Variants in DTL observed in about 807,000 individuals in gnomAD.
The protein encoded by DTL is denticleless protein homolog.
Under a neutral mutation model 87.0 loss-of-function variants are expected in DTL, and 46 were observed. That is an observed-to-expected ratio of 0.53 (90% CI 0.42 to 0.68). The LOEUF is 0.68. Ranked by LOEUF, DTL falls within the 30% of genes least tolerant of loss-of-function variation. The probability of loss-of-function intolerance (pLI) is 0.00; values close to 1 mark genes in which losing one functional copy is unlikely to be tolerated. For missense variants in DTL, 737 were observed against 869.4 expected, an observed-to-expected ratio of 0.85 and a Z score of 1.91; for synonymous variants, 308 against 311.2, an observed-to-expected ratio of 0.99 and a Z score of 0.11.
Position 212,043,946 on chromosome 1 carries a change from G to A in DTL, c.179-714G>A, listed in dbSNP as rs575800550. On this transcript the variant is annotated intron_variant, in intron 2 of 14. Coordinates refer to ENST00000366991, the MANE Select transcript of DTL (RefSeq NM_016448.4). ...AATAGACTCCTTATAAAAATTAGCC[G>A]GGCATGGTGGTGCATGCCTGTAGTC... 1.7e-3 allele frequency among the ~76,000 whole-genome samples: 259 copies of A among 152,058 alleles called. 1 individual carries two copies. The highest frequency in any genetic ancestry group is 3.1e-3 in the Non-Finnish European group (209 of 68,000).
chr1:212,063,570 C>T (rs1038165871), intron 6 of DTL, among the ~76,000 whole-genome samples: 1 of 151,984 alleles, frequency 6.6e-6, no homozygotes, highest in Non-Finnish European at 1.5e-5. Flanking sequence ...AAATTACAGG[C>T]GTGAGTCACC....
chr1:212,053,895 A>G (rs1471407302), intron 5 of DTL, among the ~76,000 whole-genome samples: 2 of 152,182 alleles, frequency 1.3e-5, no homozygotes, highest in Admixed American at 6.5e-5. Context: ...ATTGGCTTCC[A>G]TTGATTTATT....
chr1:212,084,759 C>T (rs1655080445), intron 13 of DTL, among the ~76,000 whole-genome samples: 1 of 152,178 alleles, frequency 6.6e-6, no homozygotes, highest in Admixed American at 6.5e-5. Context: ...CTGTGTCCCA[C>T]CACTATCAAA....
intron 13 of DTL, among the ~76,000 whole-genome samples, chr1:212,084,858 T>G (rs768582603): frequency 1.2e-4 from 19 of 152,150 alleles, no homozygotes; most frequent in Non-Finnish European, 2.1e-4. Flanking sequence ...CAGTTGTCCC[T>G]CAGGATCCAT....
At chr1:212,045,260 A>G (rs558878508) in intron 3 of DTL, among the ~76,000 whole-genome samples, 1 of 152,360 alleles carries the variant, frequency 6.6e-6, no homozygotes, top group Non-Finnish European at 1.5e-5. Flanking sequence ...TCCCAATGAT[A>G]TTAACTTCTG....
intron 14 of DTL, 92 bp downstream of exon 14, chr1:212,101,176 A>G: frequency 3.0e-6 from 2 of 674,600 alleles, no homozygotes; most frequent in Non-Finnish European, 4.4e-6. Flanking sequence ...TTTTTTTTTT[A>G]AAGAAAGAAA....
rs184767285 is a variant in DTL at position 212,089,333 on chromosome 1, A to G, written c.1261+8583A>G. On this transcript the variant is annotated intron_variant, in intron 13 of 14. Transcript: ENST00000366991. ...CTATGCACCTGTTAAAAATAATGCA[A>G]TGCATCTATGTGTACTTACATGAAG... is the stretch of plus-strand genomic sequence containing the variant. Among the ~76,000 whole-genome samples the G allele has an allele frequency of 1.3e-3, 194 of 152,322 alleles. 1 individual carries two copies. Among genetic ancestry groups the G allele is most frequent in the African/African-American group, 4.5e-3 (188 of 41,568 alleles).
chr1:212,041,515 TG>T (rs1412153332), intron 1 of DTL, among the ~76,000 whole-genome samples: 7 of 88,676 alleles, frequency 7.9e-5, no homozygotes, highest in East Asian at 3.9e-4. Flanking sequence ...GGCGGGGGGG[TG>T]GGGGGTGGGG....
intron 5 of DTL, among the ~76,000 whole-genome samples, chr1:212,054,470 T>G (rs1200504496): frequency 1.3e-5 from 2 of 149,124 alleles, no homozygotes; most frequent in South Asian, 2.1e-4. Context: ...TTGCTAAAGA[T>G]GTTGACTCTC....
rs147772415 is a variant in DTL, at chr1:212,096,504, A to T, written c.1262-3748A>T. On this transcript the variant is annotated intron_variant, in intron 13 of 14. Transcript: ENST00000366991. ...CTCTTTCAGACTTTTTGATGTAGGC[A>T]CTTAATGCTGTGAACTTTCCTCTTA... Among the ~76,000 whole-genome samples the T allele has an allele frequency of 1.1e-3, 164 of 152,298 alleles. 2 individuals are homozygous for T. In the East Asian group the frequency reaches 0.029, roughly 27 times the overall value.
intron 14 of DTL, among the ~76,000 whole-genome samples, chr1:212,102,170 G>A (rs11582269): frequency 6.6e-6 from 1 of 152,156 alleles, no homozygotes; most frequent in African/African-American, 2.4e-5. Context: ...AGACAACTTA[G>A]TACACAAACT....
rs1655669774 is a variant in DTL at position 212,103,017 on chromosome 1, A to T, written c.*77A>T. The T allele has an allele frequency of 1.7e-5, 14 of 817,902 alleles. No individual in the cohort carries two copies. The highest frequency in any genetic ancestry group is 2.4e-5 in the Non-Finnish European group (12 of 507,460). The allele number at this position is 817,902 out of a possible 1,614,324, so 50.7% of individuals were successfully genotyped here. A position where few individuals can be genotyped will look rare whatever the true frequency, so the allele number is the denominator to read the frequency against. On this transcript the variant is annotated 3_prime_UTR_variant, in exon 15 of 15. Transcript: ENST00000366991. Reference sequence around the variant, plus strand: ...TTTGGTCCACTAAAACAAGATGAAAAATACAAGAGTGACTCTATAACTCTG... The same window carrying T: ...TTTGGTCCACTAAAACAAGATGAAATATACAAGAGTGACTCTATAACTCTG...
At chr1:212,039,260 AT>A (rs902967506) in intron 1 of DTL, among the ~76,000 whole-genome samples, 1 of 152,192 alleles carries the variant, frequency 6.6e-6, no homozygotes. Context: ...CAAAAGTAAA[AT>A]TTTATTGGAA....
At chr1:212,089,377 G>A (rs1655220336) in intron 13 of DTL, among the ~76,000 whole-genome samples, 1 of 152,084 alleles carries the variant, frequency 6.6e-6, no homozygotes, top group Admixed American at 6.5e-5. Flanking sequence ...AAATAAAAGA[G>A]CAAATGGCAG....
intron 13 of DTL, among the ~76,000 whole-genome samples, chr1:212,089,695 A>ACC (rs1655228883): frequency 6.6e-6 from 1 of 152,118 alleles, no homozygotes; most frequent in Non-Finnish European, 1.5e-5. Context: ...AATTTCTTTG[A>ACC]CCCCCATGGA....
At chr1:212,054,952 T>C (rs1265742273) in intron 5 of DTL, among the ~76,000 whole-genome samples, 1 of 152,248 alleles carries the variant, frequency 6.6e-6, no homozygotes, top group East Asian at 1.9e-4. Flanking sequence ...TTAAAAGGAA[T>C]GAATAGTGCC....
At chr1:212,042,365 C>T (rs1393573419) in intron 1 of DTL, among the ~76,000 whole-genome samples, 2 of 152,164 alleles carry the variant, frequency 1.3e-5, no homozygotes, top group African/African-American at 4.8e-5. Context: ...TAAAGACTCC[C>T]TGACCCACTA....
At chr1:212,095,216 G>A (rs1655410012) in intron 13 of DTL, among the ~76,000 whole-genome samples, 1 of 152,124 alleles carries the variant, frequency 6.6e-6, no homozygotes, top group Non-Finnish European at 1.5e-5. Flanking sequence ...TCAGTATAAC[G>A]TTGGCTGTGG....
chr1:212,085,115 T>C (rs1352778192), intron 13 of DTL, among the ~76,000 whole-genome samples: 1 of 152,196 alleles, frequency 6.6e-6, no homozygotes, highest in Non-Finnish European at 1.5e-5. Flanking sequence ...ACCATCTTTT[T>C]TCGTGTTTTT....
Sources: allele counts gnomAD v4.1 joint callset (sites outside exome capture counted in the v4.1 genomes callset), GRCh38; gene constraint gnomAD v4.1.1; transcripts MANE v1.5; gene names NCBI Gene and HGNC (gene_info 2026-07-23, HGNC 2026-07-21).